NVL: variants seen among roughly 807,000 people sequenced by gnomAD.
The protein encoded by NVL is nuclear valosin-containing protein-like.
NVL carries 84 observed loss-of-function variants against 110.2 expected under a neutral mutation model. That is an observed-to-expected ratio of 0.76 (90% CI 0.64 to 0.91). NVL has a LOEUF of 0.91. Among genes scored for constraint, NVL ranks in the 40% least tolerant of loss-of-function variants. The pLI, the probability that NVL is intolerant of heterozygous loss-of-function variation, is 0.00. For missense variants in NVL, 882 were observed against 1,035.9 expected, an observed-to-expected ratio of 0.85 and a Z score of 2.04; for synonymous variants, 354 against 361.1, an observed-to-expected ratio of 0.98 and a Z score of 0.22.
At chr1:224,293,656 A>C (rs1667590696) in intron 12 of NVL, among the ~76,000 whole-genome samples, 1 of 152,216 alleles carries the variant, frequency 6.6e-6, no homozygotes, top group Admixed American at 6.5e-5. Context: ...TGGCTGCTGT[A>C]TGCCATAGCT....
At chr1:224,323,666 G>A (rs746462127) in intron 2 of NVL, among the ~76,000 whole-genome samples, 1 of 152,268 alleles carries the variant, frequency 6.6e-6, no homozygotes, top group South Asian at 2.1e-4. Flanking sequence ...AGGGAAGAAC[G>A]ACCCTTCAGG....
intron 20 of NVL, among the ~76,000 whole-genome samples, chr1:224,236,059 C>G (rs1660437256): frequency 6.6e-6 from 1 of 152,218 alleles, no homozygotes; most frequent in South Asian, 2.1e-4. Flanking sequence ...AAATTTACTT[C>G]AAAACATATG....
intron 4 of NVL, among the ~76,000 whole-genome samples, chr1:224,313,348 C>T (rs986761045): frequency 2.7e-5 from 4 of 146,264 alleles, no homozygotes; most frequent in African/African-American, 1.0e-4. Context: ...AAGAGTTAAA[C>T]ATAAAGAAAG....
intron 17 of NVL, 102 bp from the exon 18 acceptor site, chr1:224,268,235 A>G: frequency 1.2e-6 from 1 of 835,294 alleles, no homozygotes; most frequent in Non-Finnish European, 1.9e-6. Flanking sequence ...AAAGGAGATA[A>G]CAATGATAAT....
At chr1:224,261,906 A>G (rs1000847074) in intron 18 of NVL, among the ~76,000 whole-genome samples, 2 of 151,990 alleles carry the variant, frequency 1.3e-5, no homozygotes, top group Non-Finnish European at 2.9e-5. Flanking sequence ...GGCTGCAGTG[A>G]GTGGTGATTG....
At position 224,280,526 on chromosome 1, in the gene NVL, A is replaced by T. The variant is rs751961505; in HGVS notation, c.1962+597T>A. On this transcript the variant is annotated intron_variant, in intron 16 of 22. Transcript: ENST00000281701. Reference sequence around the variant, plus strand: ...CGAGGTATGTAAAAAGCCCATAGGAAATACTTAAGTATAACTCCCTTATTT... The same window carrying T: ...CGAGGTATGTAAAAAGCCCATAGGATATACTTAAGTATAACTCCCTTATTT... Among the ~76,000 whole-genome samples the T allele has an allele frequency of 6.3e-4, 95 of 151,348 alleles. No homozygotes were observed. In the Middle Eastern group the frequency reaches 0.01, roughly 16 times the overall value.
chr1:224,320,127 A>G (rs1670495946), intron 2 of NVL, among the ~76,000 whole-genome samples: 1 of 152,218 alleles, frequency 6.6e-6, no homozygotes, highest in Non-Finnish European at 1.5e-5. Context: ...AAATTCCGAT[A>G]AAATAATAGC....
At chr1:224,297,739 C>A (rs969735108) in intron 10 of NVL, 1 of 156,912 alleles carries the variant, frequency 6.4e-6, no homozygotes, top group African/African-American at 2.4e-5. Context: ...TATATGTATG[C>A]AAATCTATAA....
intron 1 of NVL, among the ~76,000 whole-genome samples, chr1:224,329,073 T>G (rs1163793011): frequency 2.0e-5 from 3 of 151,740 alleles, no homozygotes; most frequent in Non-Finnish European, 4.4e-5. Context: ...TAGCCAGGTG[T>G]GGTGGTGCAC....
intron 5 of NVL, 150 bp from the exon 6 acceptor site, chr1:224,308,413 G>A (rs1242602426): frequency 2.9e-6 from 2 of 680,864 alleles, no homozygotes; most frequent in South Asian, 5.2e-5. Flanking sequence ...GTGTTAGGCT[G>A]GGCACAGTGG....
chr1:224,247,453 G>A (rs757098038), intron 19 of NVL, among the ~76,000 whole-genome samples: 2 of 151,988 alleles, frequency 1.3e-5, no homozygotes, highest in Non-Finnish European at 2.9e-5. Context: ...GGTGGATCAC[G>A]AGGTCAGGAG....
intron 10 of NVL, among the ~76,000 whole-genome samples, chr1:224,299,263 C>T (rs1668167022): frequency 6.6e-6 from 1 of 152,020 alleles, no homozygotes; most frequent in African/African-American, 2.4e-5. Context: ...GCCAAAAGCA[C>T]CAGAAAACAA....
At chr1:224,253,856 TG>T (rs2102770322) in intron 18 of NVL, among the ~76,000 whole-genome samples, 1 of 152,318 alleles carries the variant, frequency 6.6e-6, no homozygotes, top group African/African-American at 2.4e-5. Flanking sequence ...TGCCAACATT[TG>T]GCACAGCCAG....
At position 224,305,484 on chromosome 1, in the gene NVL, A is replaced by G. The variant is rs200430197; in HGVS notation, c.616-318T>C. On this transcript the variant is annotated intron_variant, in intron 6 of 22. Transcript: ENST00000281701. The stretch of plus-strand genomic sequence containing the variant: ...AATTTGTGAAGCATCCCATATGGGG[A>G]AAAAAAAAAAAAGAAAAAAGAAATC... The G allele has an allele frequency of 7.7e-4, 114 of 147,738 alleles. No individual in the cohort carries two copies. In the East Asian group the frequency reaches 9.2e-3, roughly 12 times the overall value. The allele number at this position is 147,738 out of a possible 1,614,324, so 9.2% of individuals were successfully genotyped here.
chr1:224,329,502 A>G (rs1023885552), intron 1 of NVL, among the ~76,000 whole-genome samples: 2 of 152,210 alleles, frequency 1.3e-5, no homozygotes, highest in African/African-American at 4.8e-5. Context: ...CTAAGTGAAG[A>G]AAATTCTCTC....
chr1:224,317,841 A>C, intron 3 of NVL, 37 bp downstream of exon 3: 2 of 1,537,114 alleles, frequency 1.3e-6, no homozygotes, highest in Non-Finnish European at 1.8e-6. Context: ...CGTTTGTATA[A>C]CTTTATTGAT....
At chr1:224,231,626 G>A (rs1370792520) in intron 21 of NVL, among the ~76,000 whole-genome samples, 1 of 152,114 alleles carries the variant, frequency 6.6e-6, no homozygotes, top group Admixed American at 6.6e-5. Context: ...ATAGAAAGTA[G>A]GATTCCATAG....
At chr1:224,304,900 C>T in intron 7 of NVL, 88 bp from the exon 8 acceptor site, 1 of 1,483,766 alleles carries the variant, frequency 6.7e-7, no homozygotes, top group Admixed American at 1.8e-5. Context: ...AAACAAAGGT[C>T]CATTAAATAT....
At chr1:224,258,415 G>C (rs6704458) in intron 18 of NVL, among the ~76,000 whole-genome samples, 142,481 of 152,256 alleles carry the variant, frequency 0.94, 67,336 homozygotes, top group East Asian at 1. Flanking sequence ...AATCAGAACT[G>C]TCATATATTT....
Sources: gnomAD v4.1 joint callset for allele counts (sites outside exome capture counted in the v4.1 genomes callset) on GRCh38, gnomAD v4.1.1 for gene constraint, MANE v1.5 for transcripts, NCBI Gene and HGNC (gene_info 2026-07-23, HGNC 2026-07-21) for gene names.